TMF1: variants seen among roughly 807,000 people sequenced by gnomAD.
TMF1 encodes TATA element modulatory factor.
Under a neutral mutation model 126.5 loss-of-function variants are expected in TMF1, and 71 were observed. That is an observed-to-expected ratio of 0.56 (90% CI 0.46 to 0.68). The LOEUF (loss-of-function observed/expected upper bound fraction) is 0.68. TMF1 is among the 30% of genes least tolerant of loss of function. The pLI is 0.00. For missense variants in TMF1, 1,259 were observed against 1,253.2 expected (o/e 1.00, Z -0.07); for synonymous variants, 461 against 430.5 (o/e 1.07, Z -0.88).
chr3:69,031,173 G>A (rs2091800083), intron 10 of TMF1, among the ~76,000 whole-genome samples: 1 of 152,148 alleles, frequency 6.6e-6, no homozygotes, highest in African/African-American at 2.4e-5. Flanking sequence ...TTTTATTTAT[G>A]TAACATTTTT....
intron 2 of TMF1, among the ~76,000 whole-genome samples, chr3:69,045,708 A>G (rs2091891965): frequency 6.6e-6 from 1 of 152,104 alleles, no homozygotes; most frequent in African/African-American, 2.4e-5. Flanking sequence ...TGAACCTGGG[A>G]GGCAGACTAG....
At chr3:69,033,439 A>G in intron 10 of TMF1, 109 bp downstream of exon 10, 17 of 1,242,026 alleles carry the variant, frequency 1.4e-5, no homozygotes, top group Non-Finnish European at 1.6e-5. Flanking sequence ...CATATTAGAC[A>G]CAAAATGTAA....
rs980787197 is a variant in TMF1, at chr3:69,020,864, T to G, written c.*2313A>C. The G allele has an allele frequency of 1.3e-5, 2 of 152,214 alleles. No individual in the cohort carries two copies. Among genetic ancestry groups the G allele is most frequent in the African/African-American group, 4.8e-5 (2 of 41,460 alleles). 9.4% of individuals were successfully genotyped at this position (152,214 alleles called of 1,614,324 possible). On this transcript the variant is annotated 3_prime_UTR_variant, in exon 17 of 17. Transcript: ENST00000398559. ...TTTAATTTTATAAAATTGAAAAGTT[T>G]AGGAATGAGTTTTATTGCAATCTTT...
At chr3:69,025,794 T>C in intron 14 of TMF1, 82 bp from the exon 15 acceptor site, 2 of 1,455,462 alleles carry the variant, frequency 1.4e-6, no homozygotes, top group South Asian at 2.6e-5. Context: ...AAAATGGTTC[T>C]GTCAATTTTT....
Position 69,048,091 on chromosome 3 carries a change from G to A in TMF1, c.614C>T (p.Thr205Ile). 6.2e-7 allele frequency: 1 copy of A among 1,614,140 alleles called. No homozygotes were observed. Among genetic ancestry groups the A allele is most frequent in the Non-Finnish European group, 8.5e-7 (1 of 1,180,024 alleles). ...CGTATTAGATATACTTTCCATAGTT[G>A]TTTTCACATCAATTACACTTTCAGA... Reference protein sequence around the residue: ...KVSESVIDVKTTMESISNTST... With the variant: ...KVSESVIDVKITMESISNTST... Residue 205 changes from threonine to isoleucine, a missense_variant, in exon 2 of 17, where the codon ACA becomes ATA. Transcript: ENST00000398559.
chr3:69,051,500 C>T (rs888583471), intron 1 of TMF1, among the ~76,000 whole-genome samples: 2 of 152,136 alleles, frequency 1.3e-5, no homozygotes, highest in African/African-American at 4.8e-5. Context: ...CCACATTACG[C>T]GCTACCAAGC....
chr3:69,048,516 C>T lies in TMF1; in HGVS notation c.189G>A (p.Gly63=), dbSNP rs769213445. 3 of 1,613,418 alleles carry T rather than the reference C, an allele frequency of 1.9e-6. No individual in the cohort carries two copies. Among genetic ancestry groups the T allele is most frequent in the East Asian group, 4.5e-5 (2 of 44,858 alleles). ...VSGGWDTSTW[G]LKSNTEPQSP... ...TCTGAGGTTCAGTGTTTGATTTCAA[C>T]CCCCAGGTTGAAGTATCCCATCCTC... The change falls in exon 2 of 17, where the codon GGG becomes GGA. Residue 63 remains glycine, a synonymous_variant. Coordinates refer to ENST00000398559, the MANE Select transcript of TMF1 (RefSeq NM_007114.3).
At chr3:69,038,759 A>T (rs377641345) in intron 7 of TMF1, 39 bp from the exon 8 acceptor site, 27 of 1,594,440 alleles carry the variant, frequency 1.7e-5, no homozygotes, top group Non-Finnish European at 2.3e-5. Flanking sequence ...GTTGCCAGTG[A>T]TCAGATAATA....
At chr3:69,023,452 T>C in intron 16 of TMF1, 132 bp from the exon 17 acceptor site, 2 of 765,392 alleles carry the variant, frequency 2.6e-6, no homozygotes, top group East Asian at 6.2e-5. Context: ...TTTTAAAAAT[T>C]AAACTCACAC....
In TMF1 at chr3:69,047,459, G is replaced by C; in HGVS notation, c.1246C>G (p.Pro416Ala). The change falls in exon 2 of 17, where the codon CCA becomes GCA. Residue 416 changes from proline (P) to alanine (A), a missense_variant. Pro to Ala is a conservative substitution (Grantham distance 27, BLOSUM62 -1). Coordinates refer to ENST00000398559, the MANE Select transcript of TMF1 (RefSeq NM_007114.3). ...AACACAGTCTGTCCTTCATTTATTG[G>C]TGTGGAAGAAACCAAGATATCAGGC... is the stretch of plus-strand genomic sequence containing the variant. ...EQPDILVSST[P>A]INEGQTVLDK... The C allele has an allele frequency of 6.2e-7, 1 of 1,614,134 alleles. No homozygotes were observed. The highest frequency in any genetic ancestry group is 2.2e-5 in the East Asian group (1 of 44,882).
chr3:69,035,235 A>G (rs928703198), intron 8 of TMF1, 120 bp from the exon 9 acceptor site: 4 of 758,848 alleles, frequency 5.3e-6, no homozygotes, highest in East Asian at 2.6e-5. Context: ...ATACTCTCCA[A>G]TGAACTTTTA....
Position 69,038,923 on chromosome 3 carries a change from A to C in TMF1, c.1914T>G (p.Asp638Glu). 6.2e-7 allele frequency: 1 copy of C among 1,612,368 alleles called. No individual in the cohort carries two copies. Among genetic ancestry groups the C allele is most frequent in the Non-Finnish European group, 8.5e-7 (1 of 1,179,516 alleles). ...CCATGTCTACCTGAAGACGGCCAAG[A>C]TCTTTCTCTTGGCGTTCTACCATGG... is the stretch of plus-strand genomic sequence containing the variant. ...LNSMVERQEK[D>E]LGRLQVDMDE... The change falls in exon 7 of 17, where the codon GAT (aspartate) becomes GAG (glutamate). Residue 638 changes from aspartate to glutamate, a missense_variant. Asp to Glu is a conservative substitution (Grantham distance 45, BLOSUM62 2). Coordinates refer to ENST00000398559, the MANE Select transcript of TMF1 (RefSeq NM_007114.3).
In TMF1 at chr3:69,028,264, C is replaced by G. The variant is rs375151342; in HGVS notation, c.2626G>C (p.Glu876Gln). 27 of 1,613,150 alleles carry G rather than the reference C, an allele frequency of 1.7e-5. No homozygotes were observed. Among genetic ancestry groups the G allele is most frequent in the Non-Finnish European group, 2.1e-5 (25 of 1,179,554 alleles). Residue 876 changes from glutamate (E) to glutamine (Q), a missense_variant, in exon 12 of 17, where the codon GAA (glutamate) becomes CAA (glutamine). Physicochemically the swap from Glu to Gln is conservative, Grantham distance 29. Coordinates refer to ENST00000398559, the MANE Select transcript of TMF1 (RefSeq NM_007114.3). ...GTCTCTTCAAGTGTTCTTACATATT[C>G]ATCTTTTAGGTTTTCCAATTCAACC... ...YQVELENLKD[E>Q]YVRTLEETRK...
intron 5 of TMF1, among the ~76,000 whole-genome samples, chr3:69,042,112 C>G (rs1051138443): frequency 6.6e-6 from 1 of 152,156 alleles, no homozygotes; most frequent in Non-Finnish European, 1.5e-5. Context: ...TCTTGGCTCA[C>G]TGCAACCTCC....
At chr3:69,043,555 C>T (rs558924700) in intron 4 of TMF1, among the ~76,000 whole-genome samples, 195 bp downstream of exon 4, 2 of 152,198 alleles carry the variant, frequency 1.3e-5, no homozygotes, top group Non-Finnish European at 2.9e-5. Context: ...GATCCGCCCA[C>T]TTCAGCCTCC....
chr3:69,039,009 C>A lies in TMF1; in HGVS notation c.1828G>T (p.Val610Phe). 6.5e-7 allele frequency: 1 copy of A among 1,543,584 alleles called. No individual in the cohort carries two copies. The highest frequency in any genetic ancestry group is 8.7e-7 in the Non-Finnish European group (1 of 1,146,632). The change falls in exon 7 of 17, where the codon GTC (valine) becomes TTC (phenylalanine). Residue 610 changes from valine to phenylalanine, a missense_variant and splice_region_variant. Coordinates refer to ENST00000398559, the MANE Select transcript of TMF1 (RefSeq NM_007114.3). ...TCAACCTCTTCTTTGCCATCAAGGA[C>A]CTATATGTTATAAAAACAGACAAAA... is the stretch of plus-strand genomic sequence containing the variant. ...LEEELQHLKQ[V>F]LDGKEEVEKQ...
chr3:69,040,387 T>G (rs1443186644), intron 5 of TMF1: 1 of 152,262 alleles, frequency 6.6e-6, no homozygotes, highest in Admixed American at 6.5e-5. Context: ...TTGACTATGA[T>G]GTACCTGTCA....
chr3:69,041,160 G>A (rs2091862441), intron 5 of TMF1, among the ~76,000 whole-genome samples: 1 of 152,122 alleles, frequency 6.6e-6, no homozygotes, highest in East Asian at 1.9e-4. Flanking sequence ...AGAAAACCAT[G>A]CAGTTAGCCT....
Position 69,044,540 on chromosome 3 carries a change from A to C in TMF1, c.1403T>G (p.Leu468Arg). The C allele has an allele frequency of 6.2e-7, 1 of 1,608,532 alleles. No individual in the cohort carries two copies. Among genetic ancestry groups the C allele is most frequent in the Middle Eastern group, 1.7e-4 (1 of 6,006 alleles). Reference sequence around the variant, plus strand: ...TTCTAGAAGTGCTTTTTCCTTACTAAGAGATAATAACTGAGCCTCCCTTTT... The same window carrying C: ...TTCTAGAAGTGCTTTTTCCTTACTACGAGATAATAACTGAGCCTCCCTTTT... ...LEKREAQLLS[L>R]SKEKALLEEA... The change falls in exon 3 of 17, where the codon CTT becomes CGT. Residue 468 changes from leucine to arginine, a missense_variant. Physicochemically the swap from Leu to Arg is moderately radical, Grantham distance 102. Transcript: ENST00000398559.
Sources: allele counts gnomAD v4.1 joint callset (sites outside exome capture counted in the v4.1 genomes callset), GRCh38; gene constraint gnomAD v4.1.1; transcripts MANE v1.5; gene names NCBI Gene and HGNC (gene_info 2026-07-23, HGNC 2026-07-21).